The following ZFAT variants were observed in gnomAD, a reference collection of about 807,000 sequenced individuals.
The protein encoded by ZFAT is zinc finger and AT-hook domain containing, also known as zinc finger protein ZFAT.
In ZFAT, 64 loss-of-function variants were observed where a neutral mutation model predicts 117.7. That is an observed-to-expected ratio of 0.54 (90% CI 0.44 to 0.67). The LOEUF (loss-of-function observed/expected upper bound fraction) is 0.67. ZFAT is among the 30% of genes least tolerant of loss of function. The probability of loss-of-function intolerance (pLI) is 0.00; values close to 1 mark genes in which losing one functional copy is unlikely to be tolerated. For missense variants in ZFAT, 1,433 were observed against 1,584.5 expected (o/e 0.90, Z 1.62); for synonymous variants, 679 against 615.0 (o/e 1.10, Z -1.54).
chr8:134,788,346 T>A, the ZFAT span, among the ~76,000 whole-genome samples: 2 of 152,176 alleles, frequency 1.3e-5, no homozygotes, highest in Admixed American at 6.6e-5. Context: ...AAAATATTTT[T>A]AAATTTGTTT....
chr8:134,597,929 AG>A (rs1170557851), intron 7 of ZFAT: 3 of 152,266 alleles, frequency 2.0e-5, no homozygotes, highest in African/African-American at 7.2e-5. Flanking sequence ...CTTCTCCTGC[AG>A]TTAGTTGCAC....
At chr8:134,520,773 G>A in intron 13 of ZFAT, 110 bp downstream of exon 13, 1 of 845,424 alleles carries the variant, frequency 1.2e-6, no homozygotes, top group Non-Finnish European at 1.9e-6. Context: ...TCCCCAAACA[G>A]AAAATCTAAT....
At chr8:134,805,615 A>G in the ZFAT span, among the ~76,000 whole-genome samples, 6 of 152,258 alleles carry the variant, frequency 3.9e-5, no homozygotes, top group African/African-American at 1.4e-4. Flanking sequence ...AAGAAAGGAA[A>G]AAGACTAAGT....
intron 11 of ZFAT, among the ~76,000 whole-genome samples, chr8:134,562,076 G>A (rs1254678317): frequency 6.6e-6 from 1 of 152,160 alleles, no homozygotes; most frequent in Admixed American, 6.5e-5. Context: ...ATAACCACCA[G>A]GGTCCTTAAA....
the ZFAT span, among the ~76,000 whole-genome samples, chr8:134,721,898 C>T: frequency 1.3e-5 from 2 of 152,198 alleles, no homozygotes; most frequent in African/African-American, 4.8e-5. Context: ...AAGAAACTGA[C>T]AATTTGGTGT....
intron 12 of ZFAT, among the ~76,000 whole-genome samples, chr8:134,526,942 C>A (rs1821066659): frequency 6.6e-6 from 1 of 152,000 alleles, no homozygotes; most frequent in South Asian, 2.1e-4. Context: ...CTGAAGACAG[C>A]CACATCCTAA....
intron 8 of ZFAT, 100 bp from the exon 9 acceptor site, chr8:134,588,495 G>A: frequency 7.6e-7 from 1 of 1,309,356 alleles, no homozygotes; most frequent in African/African-American, 1.5e-5. Flanking sequence ...GAGGAATCAA[G>A]GTGTGCCTCA....
chr8:134,827,323 G>A, the ZFAT span, among the ~76,000 whole-genome samples: 3 of 152,140 alleles, frequency 2.0e-5, no homozygotes, highest in African/African-American at 4.8e-5. Flanking sequence ...GGGATTACAA[G>A]CATGAGCCAC....
At chr8:134,768,174 A>G in the ZFAT span, among the ~76,000 whole-genome samples, 57,709 of 151,762 alleles carry the variant, frequency 0.38, 11,240 homozygotes, top group African/African-American at 0.46. Flanking sequence ...TTCCAACAGC[A>G]CGTGCTCGCT....
At chr8:134,586,944 T>C (rs1826110580) in intron 9 of ZFAT, among the ~76,000 whole-genome samples, 1 of 152,234 alleles carries the variant, frequency 6.6e-6, no homozygotes, top group Middle Eastern at 3.2e-3. Flanking sequence ...AGCATCTGCC[T>C]TTAAGGTTGT....
At chr8:134,738,335 C>T in the ZFAT span, among the ~76,000 whole-genome samples, 2 of 152,172 alleles carry the variant, frequency 1.3e-5, no homozygotes, top group African/African-American at 4.8e-5. Flanking sequence ...TCTTGGACTT[C>T]TGGCAAGCCC....
the ZFAT span, among the ~76,000 whole-genome samples, chr8:134,759,294 A>G: frequency 2.0e-5 from 3 of 152,196 alleles, no homozygotes; most frequent in African/African-American, 7.2e-5. Flanking sequence ...GAAATCATTA[A>G]GTGAGAGAAG....
At chr8:134,823,582 A>G in the ZFAT span, among the ~76,000 whole-genome samples, 1 of 152,214 alleles carries the variant, frequency 6.6e-6, no homozygotes, top group Non-Finnish European at 1.5e-5. Context: ...ACTGAGAGAC[A>G]GGAGAGTGAT....
chr8:134,478,596 C>T lies in ZFAT; in HGVS notation c.3618G>A (p.Glu1206=). The T allele has an allele frequency of 1.3e-6, 2 of 1,592,990 alleles. No homozygotes were observed. The highest frequency in any genetic ancestry group is 1.7e-6 in the Non-Finnish European group (2 of 1,170,160). Residue 1206 remains glutamate (E), a synonymous_variant, in exon 16 of 16, where the codon GAG becomes GAA. Transcript: ENST00000377838. This position sits in a 1 kb window ranked among gnomAD's most constrained non-coding sequence, Gnocchi z 5.2. Reference sequence around the variant, plus strand: ...CGCCCTGCGTGTAGACAGTCACCGTCTCAATGCCCTCCACGTCGTCGGAGG... The same window carrying T: ...CGCCCTGCGTGTAGACAGTCACCGTTTCAATGCCCTCCACGTCGTCGGAGG... ...VVSSDDVEGI[E]TVTVYTQGGE... is the part of the protein sequence containing the mutation.
At chr8:134,647,073 CA>C (rs1257983176) in intron 2 of ZFAT, among the ~76,000 whole-genome samples, 1 of 151,732 alleles carries the variant, frequency 6.6e-6, no homozygotes, top group Admixed American at 6.6e-5. Flanking sequence ...ACAGACACTA[CA>C]AAAAAAGAAA....
chr8:134,688,801 G>A (rs966781060), intron 1 of ZFAT, among the ~76,000 whole-genome samples: 3 of 152,190 alleles, frequency 2.0e-5, no homozygotes, highest in Admixed American at 6.5e-5. Flanking sequence ...AGAGAAGGAA[G>A]AGACCAAATA....
chr8:134,552,374 T>C (rs549998198), intron 11 of ZFAT, among the ~76,000 whole-genome samples: 2 of 152,342 alleles, frequency 1.3e-5, no homozygotes, highest in African/African-American at 2.4e-5. Context: ...AATTGTGGTA[T>C]CATGTATTCT....
chr8:134,598,194 G>C (rs984670139), intron 7 of ZFAT: 2 of 152,190 alleles, frequency 1.3e-5, no homozygotes, highest in Non-Finnish European at 2.9e-5. Context: ...GCACAACCAT[G>C]AGCAAGTTAC....
intron 11 of ZFAT, among the ~76,000 whole-genome samples, chr8:134,549,223 C>T (rs564920885): frequency 7.2e-5 from 11 of 152,124 alleles, no homozygotes; most frequent in African/African-American, 2.2e-4. Context: ...AGGCGGATCA[C>T]GAGGTCAAGA....
Sources: gnomAD v4.1 joint callset for allele counts (sites outside exome capture counted in the v4.1 genomes callset) on GRCh38, gnomAD v4.1.1 for gene constraint, Gnocchi (gnomAD v3.1) non-coding constraint, MANE v1.5 for transcripts, NCBI Gene and HGNC (gene_info 2026-07-23, HGNC 2026-07-21) for gene names.